Variants in VPS13B observed in about 807,000 individuals in gnomAD.
VPS13B encodes the protein vacuolar protein sorting 13 homolog B.
In VPS13B, 285 loss-of-function variants were observed where a neutral mutation model predicts 426.4. The observed-to-expected ratio is 0.67, with a 90% CI of 0.61 to 0.74. VPS13B has a LOEUF of 0.74. VPS13B is among the 30% of genes least tolerant of loss of function. The probability of loss-of-function intolerance (pLI) is 0.00; values close to 1 mark genes in which losing one functional copy is unlikely to be tolerated. For missense variants in VPS13B, 4,537 were observed against 4,782.6 expected, an observed-to-expected ratio of 0.95 and a Z score of 1.51; for synonymous variants, 1,676 against 1,676.4, an observed-to-expected ratio of 1.00 and a Z score of 0.01.
intron 30 of VPS13B, among the ~76,000 whole-genome samples, chr8:99,540,026 TA>T: frequency 9.4e-4 from 1 of 1,066 alleles, no homozygotes; most frequent in Non-Finnish European, 2.4e-3. Context: ...TATATATATA[TA>T]TATATATATA....
intron 3 of VPS13B, among the ~76,000 whole-genome samples, chr8:99,084,110 TATTA>T (rs1845636133): frequency 6.6e-6 from 1 of 152,188 alleles, no homozygotes. Flanking sequence ...GTTGGTAAGC[TATTA>T]ATTATTGCCT....
intron 16 of VPS13B, among the ~76,000 whole-genome samples, chr8:99,179,613 T>C (rs1034871503): frequency 1.5e-4 from 23 of 152,226 alleles, no homozygotes; most frequent in African/African-American, 5.1e-4. Flanking sequence ...CTTTAAAATA[T>C]GAGATAATGT....
chr8:99,737,009 C>G (rs185139205), intron 39 of VPS13B, among the ~76,000 whole-genome samples: 1 of 149,022 alleles, frequency 6.7e-6, no homozygotes, highest in African/African-American at 2.5e-5. Flanking sequence ...GAACCTACAA[C>G]TCTTAACTGC....
At chr8:99,696,849 T>G in intron 35 of VPS13B, 4 of 948,660 alleles carry the variant, frequency 4.2e-6, no homozygotes, top group Non-Finnish European at 7.0e-6. Flanking sequence ...CCGTGCAAGC[T>G]GCTGGAGCTG....
chr8:99,089,281 CTGTT>C (rs1846017013), intron 3 of VPS13B, among the ~76,000 whole-genome samples: 1 of 151,724 alleles, frequency 6.6e-6, no homozygotes, highest in South Asian at 2.1e-4. Context: ...AATGTTTTTT[CTGTT>C]TGTCTCTTTT....
intron 33 of VPS13B, among the ~76,000 whole-genome samples, chr8:99,582,839 G>T (rs971655065): frequency 2.0e-5 from 3 of 151,774 alleles, no homozygotes; most frequent in Non-Finnish European, 2.9e-5. Flanking sequence ...GTATTTTTAG[G>T]AGAGACGGGG....
chr8:99,380,068 G>A (rs912461975), intron 19 of VPS13B, among the ~76,000 whole-genome samples: 45 of 151,912 alleles, frequency 3.0e-4, no homozygotes, highest in African/African-American at 9.7e-4. Flanking sequence ...TAACTTTTTC[G>A]GGAGAATGAG....
In VPS13B at chr8:99,854,100, C is replaced by T; in HGVS notation, c.10711C>T (p.Leu3571Phe). 10 of 1,612,974 alleles carry T rather than the reference C, an allele frequency of 6.2e-6. No homozygotes were observed. The highest frequency in any genetic ancestry group is 8.5e-6 in the Non-Finnish European group (10 of 1,179,166). The part of the protein sequence containing the change: ...RKLVIQPVNL[L>F]VSIHASLKLY... ...ACTGGTGATCCAGCCAGTAAATTTG[C>T]TCGTCAGCATCCACGCTTCCCTCAA... Residue 3571 changes from leucine to phenylalanine, a missense_variant, in exon 56 of 62, where the codon CTC becomes TTC. Coordinates refer to ENST00000357162, the MANE Select transcript of VPS13B (RefSeq NM_152564.5).
intron 46 of VPS13B, 52 bp from the exon 47 acceptor site, chr8:99,818,661 A>T: frequency 6.2e-7 from 1 of 1,609,310 alleles, no homozygotes; most frequent in Non-Finnish European, 8.5e-7. Flanking sequence ...AAACAGCTGG[A>T]ATACTGCAAC....
chr8:99,624,021 T>A (rs1401411633), intron 33 of VPS13B, among the ~76,000 whole-genome samples: 174 of 107,132 alleles, frequency 1.6e-3, no homozygotes, highest in African/African-American at 5.2e-3. Context: ...TTTTTTTTTT[T>A]TTTTTTTTTT....
rs575940416 is a variant in VPS13B at position 99,680,924 on chromosome 8, A to T, written c.6047-18601A>T. On this transcript the variant is annotated intron_variant, in intron 35 of 61. Transcript: ENST00000357162. ...TTTAATGTTGTATCTTAATGATCAG[A>T]TTAATATTTTTATCAATTTTTTAAA... Among the ~76,000 whole-genome samples, 17 of 152,326 alleles carry T rather than the reference A, an allele frequency of 1.1e-4. No individual in the cohort carries two copies. The South Asian group carries it at 3.5e-3, about 32-fold the overall frequency.
chr8:99,212,055 G>C (rs1466843718), intron 17 of VPS13B, among the ~76,000 whole-genome samples: 1 of 151,838 alleles, frequency 6.6e-6, no homozygotes, highest in Non-Finnish European at 1.5e-5. Flanking sequence ...ACCACGCCCG[G>C]CTAATTTTTG....
chr8:99,539,412 G>A (rs1823437438), intron 30 of VPS13B, among the ~76,000 whole-genome samples: 1 of 152,136 alleles, frequency 6.6e-6, no homozygotes, highest in Admixed American at 6.6e-5. Context: ...CACAAAATAT[G>A]AATTGCAGAC....
At chr8:99,426,043 C>G (rs923855717) in intron 21 of VPS13B, among the ~76,000 whole-genome samples, 3 of 145,494 alleles carry the variant, frequency 2.1e-5, no homozygotes, top group Admixed American at 1.4e-4. Context: ...GTATATCTAC[C>G]AATGCTATCC....
chr8:99,109,943 T>C (rs1847275078), intron 5 of VPS13B, among the ~76,000 whole-genome samples: 1 of 152,164 alleles, frequency 6.6e-6, no homozygotes, highest in Admixed American at 6.5e-5. Context: ...AGGAAACATC[T>C]ACAGGATATC....
At chr8:99,285,778 A>G (rs537923692) in intron 19 of VPS13B, among the ~76,000 whole-genome samples, 59 of 152,228 alleles carry the variant, frequency 3.9e-4, no homozygotes, top group Admixed American at 1.2e-3. Flanking sequence ...ATTCACATCA[A>G]TCTTTGCTAC....
chr8:99,152,753 CT>C (rs1811140725), intron 14 of VPS13B, among the ~76,000 whole-genome samples: 1 of 152,144 alleles, frequency 6.6e-6, no homozygotes, highest in Admixed American at 6.5e-5. Flanking sequence ...TTCTTTATAT[CT>C]GATAGCTTTC....
Position 99,233,423 on chromosome 8 carries a change from T to A in VPS13B, c.2515+40366T>A, listed in dbSNP as rs193186340. 2.2e-5 allele frequency: 28 copies of A among 1,249,278 alleles called. No individual in the cohort carries two copies. The Admixed American group carries it at 4.5e-4, about 20-fold the overall frequency. 77.4% of individuals were successfully genotyped at this position (1,249,278 alleles called of 1,614,324 possible). On this transcript the variant is annotated intron_variant, in intron 17 of 61. Coordinates refer to ENST00000357162, the MANE Select transcript of VPS13B (RefSeq NM_152564.5). ...GCTCTGGCGAGTCTTGCCAGCTGTT[T>A]GATGTGTGCCCCTTTCTTCCCGATG...
intron 33 of VPS13B, among the ~76,000 whole-genome samples, chr8:99,585,391 A>C (rs770834437): frequency 3.3e-5 from 5 of 152,188 alleles, no homozygotes; most frequent in Non-Finnish European, 7.4e-5. Context: ...TAAAAAATGA[A>C]AACTGCAGAC....
Sources: gnomAD v4.1 joint callset for allele counts (sites outside exome capture counted in the v4.1 genomes callset) on GRCh38, gnomAD v4.1.1 for gene constraint, MANE v1.5 for transcripts, NCBI Gene and HGNC (gene_info 2026-07-23, HGNC 2026-07-21) for gene names.